The following YJU2B variants were observed in gnomAD, a reference collection of about 807,000 sequenced individuals.
YJU2B encodes the protein YJU2 splicing factor homolog B.
YJU2B carries 18 observed loss-of-function variants against 38.0 expected under a neutral mutation model. The ratio of observed to expected loss-of-function variants is 0.47; its 90% CI spans 0.33 to 0.70. YJU2B has a LOEUF of 0.70. YJU2B is among the 30% of genes least tolerant of loss of function. The probability of loss-of-function intolerance (pLI) is 0.02; values close to 1 mark genes in which losing one functional copy is unlikely to be tolerated. For missense variants in YJU2B, 538 were observed against 556.3 expected (o/e 0.97, Z 0.33); for synonymous variants, 246 against 225.4 (o/e 1.09, Z -0.82).
At chr19:13,735,676 T>C (rs954765729) in intron 2 of YJU2B, among the ~76,000 whole-genome samples, 1 of 152,130 alleles carries the variant, frequency 6.6e-6, no homozygotes, top group Non-Finnish European at 1.5e-5. Context: ...AACACAGCAG[T>C]GGCAGGGGCT....
At chr19:13,759,869 G>GT (rs1372781174) in intron 8 of YJU2B, among the ~76,000 whole-genome samples, 1 of 149,122 alleles carries the variant, frequency 6.7e-6, no homozygotes, top group African/African-American at 2.5e-5. Flanking sequence ...ATGATCTTGG[G>GT]TCACCGCAAC....
At chr19:13,759,797 ATTT>A in intron 8 of YJU2B, among the ~76,000 whole-genome samples, 1 of 129,844 alleles carries the variant, frequency 7.7e-6, no homozygotes, top group Admixed American at 7.9e-5. Flanking sequence ...CGCCTGGCTA[ATTT>A]TTTTTTTTTT....
At chr19:13,754,641 G>A (rs775558230) in intron 3 of YJU2B, among the ~76,000 whole-genome samples, 1 of 152,116 alleles carries the variant, frequency 6.6e-6, no homozygotes, top group Non-Finnish European at 1.5e-5. Context: ...TCCAGCACCT[G>A]TGGCGTCCTG....
chr19:13,733,104 T>C (rs1381999875), intron 2 of YJU2B, among the ~76,000 whole-genome samples: 1 of 151,430 alleles, frequency 6.6e-6, no homozygotes, highest in African/African-American at 2.4e-5. Flanking sequence ...TAATTTTTTG[T>C]ATATTTAGTA....
chr19:13,754,361 C>G lies in YJU2B; in HGVS notation c.57+19C>G, dbSNP rs1273023157. ...TGAGAAGGTAAGCAGGCTCTCCGCT[C>G]CAGGTCCACAGTAGCAAAAAGACCC... On this transcript the variant is annotated intron_variant, in intron 3 of 9. Coordinates refer to ENST00000221554, the MANE Select transcript of YJU2B (RefSeq NM_030818.4). The G allele has an allele frequency of 1.9e-6, 3 of 1,605,362 alleles. No individual in the cohort carries two copies. Among genetic ancestry groups the G allele is most frequent in the African/African-American group, 1.3e-5 (1 of 74,602 alleles).
At chr19:13,755,646 G>T (rs1973638039) in intron 3 of YJU2B, among the ~76,000 whole-genome samples, 1 of 151,860 alleles carries the variant, frequency 6.6e-6, no homozygotes, top group Admixed American at 6.6e-5. Flanking sequence ...AGGGTCCCCT[G>T]GCTCTTTCAG....
Position 13,759,003 on chromosome 19 carries a change from G to C in YJU2B, c.393G>C (p.Leu131=). ...ACATGGCGGACAATGAGCAGGTGCT[G>C]ACCACAGGTGAGCGCCACCCACTTA... The part of the protein sequence containing the change: ...RWDMADNEQV[L]TTEHEKKQKL... The change falls in exon 7 of 10, where the codon CTG becomes CTC. Residue 131 remains leucine, a synonymous_variant. Transcript: ENST00000221554. 6.2e-7 allele frequency: 1 copy of C among 1,613,230 alleles called. No homozygotes were observed. The highest frequency in any genetic ancestry group is 8.5e-7 in the Non-Finnish European group (1 of 1,179,610).
At chr19:13,756,518 G>T (rs989245850) in intron 4 of YJU2B, among the ~76,000 whole-genome samples, 6 of 152,184 alleles carry the variant, frequency 3.9e-5, no homozygotes, top group Non-Finnish European at 7.4e-5. Flanking sequence ...GGCTGGGCTA[G>T]GCTGGCCTGA....
chr19:13,751,584 A>G (rs1973466322), intron 1 of YJU2B, 24 bp from the exon 2 acceptor site: 2 of 580,508 alleles, frequency 3.4e-6, no homozygotes, highest in African/African-American at 1.9e-5. Context: ...TGTAGAGTGG[A>G]CGGGACTCTC....
chr19:13,751,625 T>A lies in YJU2B; in HGVS notation c.-184T>A, dbSNP rs1973468642. The A allele has an allele frequency of 3.3e-6, 2 of 609,034 alleles. No homozygotes were observed. The highest frequency in any genetic ancestry group is 1.9e-5 in the African/African-American group (1 of 53,862). The allele number at this position is 609,034 out of a possible 1,614,324, so 37.7% of individuals were successfully genotyped here. On this transcript the variant is annotated 5_prime_UTR_variant, in exon 2 of 10. It removes an upstream start codon present in the reference 5' UTR. Coordinates refer to ENST00000221554, the MANE Select transcript of YJU2B (RefSeq NM_030818.4). ...CTAAACAGACACGCCGCTTTTTGGATGCCTCCTATGCCTGGCGGGAGTCTT... is the reference window on the plus strand; with the variant it reads ...CTAAACAGACACGCCGCTTTTTGGAAGCCTCCTATGCCTGGCGGGAGTCTT...
At chr19:13,734,220 G>T (rs914566571) in intron 2 of YJU2B, among the ~76,000 whole-genome samples, 4 of 151,960 alleles carry the variant, frequency 2.6e-5, no homozygotes, top group Non-Finnish European at 5.9e-5. Flanking sequence ...GAGCCAGCAC[G>T]CCTGGTCTTG....
chr19:13,755,099 G>A, intron 3 of YJU2B, among the ~76,000 whole-genome samples: 1 of 150,040 alleles, frequency 6.7e-6, no homozygotes. Flanking sequence ...AGGAGGTGGA[G>A]ACTGCAGTGA....
At chr19:13,759,657 C>G (rs1973814126) in intron 8 of YJU2B, 1 of 152,368 alleles carries the variant, frequency 6.6e-6, no homozygotes, top group Admixed American at 6.7e-5. Context: ...CAGTAGTCAT[C>G]TCGCTCTGTC....
rs1310867565 is a variant in YJU2B at position 13,755,460 on chromosome 19, A to C, written c.58-737A>C. Among the ~76,000 whole-genome samples, 3 of 45,534 alleles carry C rather than the reference A, an allele frequency of 6.6e-5. No homozygotes were observed. In the South Asian group the frequency reaches 1.5e-3, roughly 23 times the overall value. The allele number at this position is 45,534 out of a possible 152,430, so 29.9% of individuals were successfully genotyped here. A position where few individuals can be genotyped will look rare whatever the true frequency, so the allele number is the denominator to read the frequency against. On this transcript the variant is annotated intron_variant, in intron 3 of 9. Transcript: ENST00000221554. ...TAGTGACAGAGCGAGACTCTGTCTC[A>C]AAAAAAAAAAAAAAAAAATAAGGTG...
chr19:13,736,254 C>CTTTTTTTTTT (rs60385996), intron 2 of YJU2B, among the ~76,000 whole-genome samples: 11 of 104,244 alleles, frequency 1.1e-4, no homozygotes, highest in African/African-American at 2.0e-4. Flanking sequence ...TTCTTTCTTT[C>CTTTTTTTTTT]TTTTTTTTTT....
In YJU2B at chr19:13,751,718, C is replaced by T; in HGVS notation, c.-91C>T. 6 of 1,379,446 alleles carry T rather than the reference C, an allele frequency of 4.3e-6. No homozygotes were observed. Among genetic ancestry groups the T allele is most frequent in the Non-Finnish European group, 6.2e-6 (6 of 969,098 alleles). The allele number at this position is 1,379,446 out of a possible 1,614,324, so 85.5% of individuals were successfully genotyped here. On this transcript the variant is annotated 5_prime_UTR_variant, in exon 2 of 10. Coordinates refer to ENST00000221554, the MANE Select transcript of YJU2B (RefSeq NM_030818.4). ...GGAAGCCTGTGGACCCTCTGCCAGG[C>T]TCCACAAGAGGTCAGGACAGTGCAG...
Position 13,751,833 on chromosome 19 carries a change from C to T in YJU2B, c.3+22C>T, listed in dbSNP as rs778981605. The T allele has an allele frequency of 2.1e-5, 34 of 1,613,530 alleles. No homozygotes were observed. The South Asian group carries it at 3.6e-4, about 17-fold the overall frequency. On this transcript the variant is annotated intron_variant, in intron 2 of 9. Transcript: ENST00000221554. ...GATGGTGAGTAGACAGCCTCGTGTG[C>T]CCTGGGTTTCTCTCCCAGTCTTTGT... is the stretch of plus-strand genomic sequence containing the variant.
At chr19:13,749,632 C>CTTTT (rs71170557) in intron 1 of YJU2B, among the ~76,000 whole-genome samples, 10 of 130,330 alleles carry the variant, frequency 7.7e-5, no homozygotes, top group Non-Finnish European at 9.7e-5. Context: ...GAACTTCTTT[C>CTTTT]TTTTTTTTTT....
chr19:13,762,733 TCCC>T lies in YJU2B; in HGVS notation c.859_861del (p.Pro287del). 6.2e-7 allele frequency: 1 copy of T among 1,608,064 alleles called. No individual in the cohort carries two copies. The highest frequency in any genetic ancestry group is 8.5e-7 in the Non-Finnish European group (1 of 1,179,284). On this transcript the variant is annotated inframe_deletion, in exon 10 of 10. Coordinates refer to ENST00000221554, the MANE Select transcript of YJU2B (RefSeq NM_030818.4). The stretch of plus-strand genomic sequence containing the variant: ...GAGCCGCAGAACCGCGCTTGCCACC[TCCC>T]CCATCACCGTCGGGGACCTGGGCAT...
Sources: gnomAD v4.1 joint callset for allele counts (sites outside exome capture counted in the v4.1 genomes callset) on GRCh38, gnomAD v4.1.1 for gene constraint, MANE v1.5 for transcripts, NCBI Gene and HGNC (gene_info 2026-07-23, HGNC 2026-07-21) for gene names.